ANK3: variants seen among roughly 807,000 people sequenced by gnomAD.
The protein encoded by ANK3 is ankyrin-3.
In ANK3, 57 loss-of-function variants were observed where a neutral mutation model predicts 370.9. The ratio of observed to expected loss-of-function variants is 0.15; its 90% CI spans 0.12 to 0.19. The LOEUF is 0.19. ANK3 is among the 10% of genes least tolerant of loss of function. ANK3 has a pLI of 1.00. For synonymous variants in ANK3, 1,929 were observed against 1,946.3 expected (o/e 0.99, Z 0.23); for missense variants, 4,439 against 5,302.1 (o/e 0.84, Z 5.06).
intron 24 of ANK3, chr10:60,138,733 G>GGA: frequency 1.9e-6 from 1 of 517,620 alleles, no homozygotes. Context: ...TGCAAAGTGG[G>GGA]AAAAAAAAAA....
rs777428129 is a variant in ANK3 at position 60,264,072 on chromosome 10, T to C, written c.514-52A>G. 3 of 1,482,694 alleles carry C rather than the reference T, an allele frequency of 2.0e-6. No homozygotes were observed. In the East Asian group the frequency reaches 7.3e-5, roughly 36 times the overall value. 91.8% of individuals were successfully genotyped at this position (1,482,694 alleles called of 1,614,324 possible). On this transcript the variant is annotated intron_variant, in intron 5 of 43. Coordinates refer to ENST00000280772, the MANE Select transcript of ANK3 (RefSeq NM_020987.5). The stretch of plus-strand genomic sequence containing the variant: ...GGGCTCCAATGAATATTTTCTTTTT[T>C]ATTAAATTAACAAATAAGAAGGCAA...
At chr10:60,435,246 A>C (rs987823195) in intron 2 of ANK3, among the ~76,000 whole-genome samples, 2 of 152,170 alleles carry the variant, frequency 1.3e-5, no homozygotes, top group Non-Finnish European at 2.9e-5. Flanking sequence ...AAGTTTGTAC[A>C]CTTTCCTAAG....
At chr10:60,085,892 G>A (rs2132020057) in intron 30 of ANK3, among the ~76,000 whole-genome samples, 1 of 152,238 alleles carries the variant, frequency 6.6e-6, no homozygotes, top group South Asian at 2.1e-4. Flanking sequence ...TGGGATTACA[G>A]GCGTGAGCCA....
At chr10:60,353,750 C>T (rs530871682) in intron 1 of ANK3, among the ~76,000 whole-genome samples, 3 of 152,220 alleles carry the variant, frequency 2.0e-5, no homozygotes. Context: ...ATCACACGGG[C>T]AGTTTTTAGA....
Position 60,068,922 on chromosome 10 carries a change from T to C in ANK3, c.11959A>G (p.Ser3987Gly). 1 of 1,614,162 alleles carries C rather than the reference T, an allele frequency of 6.2e-7. No homozygotes were observed. The highest frequency in any genetic ancestry group is 8.5e-7 in the Non-Finnish European group (1 of 1,180,030). ...TTSCTVKVRK[S>G]QLKEVCKHSI... is the part of the protein sequence containing the mutation. ...TGTTTACATACTTCCTTGAGCTGAC[T>C]TTTCCTAACTTTAACTGTGCAGCTG... Residue 3987 changes from serine (S) to glycine (G), a missense_variant, in exon 37 of 44, where the codon AGT becomes GGT. Ser to Gly is a moderately conservative substitution (Grantham distance 56). Transcript: ENST00000280772.
intron 2 of ANK3, among the ~76,000 whole-genome samples, chr10:60,465,574 T>C (rs1179213336): frequency 6.6e-6 from 1 of 152,044 alleles, no homozygotes; most frequent in Non-Finnish European, 1.5e-5. Context: ...TAAACCAGAG[T>C]GAAATGAGTA....
chr10:60,266,773 G>C (rs1360020275), intron 5 of ANK3, among the ~76,000 whole-genome samples: 1 of 152,174 alleles, frequency 6.6e-6, no homozygotes, highest in African/African-American at 2.4e-5. Flanking sequence ...GGTGTGGTTT[G>C]CTTTGTGCAG....
intron 7 of ANK3, among the ~76,000 whole-genome samples, chr10:60,245,694 G>T (rs1592380685): frequency 1.3e-5 from 2 of 152,226 alleles, no homozygotes; most frequent in African/African-American, 4.8e-5. Context: ...TTTTCATGAG[G>T]ATGCCAAGTT....
At chr10:60,266,100 TAGA>T (rs2097873780) in intron 5 of ANK3, among the ~76,000 whole-genome samples, 1 of 151,866 alleles carries the variant, frequency 6.6e-6, no homozygotes. Flanking sequence ...CCAAAACAAC[TAGA>T]AGGTTATTCC....
intron 24 of ANK3, among the ~76,000 whole-genome samples, chr10:60,136,249 T>G (rs973387033): frequency 6.6e-6 from 1 of 152,170 alleles, no homozygotes; most frequent in East Asian, 1.9e-4. Context: ...GTGCTAAATC[T>G]GAGCTATCCA....
intron 2 of ANK3, among the ~76,000 whole-genome samples, chr10:60,580,114 T>A (rs903442229): frequency 1.3e-5 from 2 of 152,242 alleles, no homozygotes; most frequent in African/African-American, 4.8e-5. Context: ...GGTAGAACAC[T>A]CTTCATATTT....
intron 1 of ANK3, among the ~76,000 whole-genome samples, chr10:60,281,746 T>C (rs1475512776): frequency 1.3e-5 from 2 of 152,176 alleles, no homozygotes; most frequent in African/African-American, 2.4e-5. Context: ...CAGTTTAAGT[T>C]GAGAATCTGA....
intron 1 of ANK3, among the ~76,000 whole-genome samples, chr10:60,624,452 G>A (rs1037306937): frequency 6.6e-5 from 10 of 152,142 alleles, no homozygotes; most frequent in African/African-American, 1.7e-4. Flanking sequence ...TGGAAGCTTG[G>A]AGCTCTTCTA....
chr10:60,517,489 C>A (rs1305919194), intron 2 of ANK3, among the ~76,000 whole-genome samples: 1 of 152,010 alleles, frequency 6.6e-6, no homozygotes, highest in Non-Finnish European at 1.5e-5. Context: ...GAACATGCAC[C>A]CTTTGTACAA....
intron 2 of ANK3, among the ~76,000 whole-genome samples, chr10:60,551,305 G>A (rs1286264092): frequency 6.6e-6 from 1 of 151,942 alleles, no homozygotes; most frequent in East Asian, 1.9e-4. Context: ...TAGTAGAAAG[G>A]GCCATTATTG....
At chr10:60,163,535 G>T (rs181723684) in intron 23 of ANK3, among the ~76,000 whole-genome samples, 56 of 152,090 alleles carry the variant, frequency 3.7e-4, no homozygotes, top group Non-Finnish European at 2.5e-4. Context: ...TTTGAGAAAT[G>T]AATCCAAACA....
In ANK3 at chr10:60,055,862, T is replaced by C; in HGVS notation, c.12861A>G (p.Ile4287Met). The C allele has an allele frequency of 1.2e-6, 2 of 1,614,202 alleles. No homozygotes were observed. Among genetic ancestry groups the C allele is most frequent in the Non-Finnish European group, 1.7e-6 (2 of 1,180,026 alleles). Reference protein sequence around the residue: ...QSTKETLKPKIHGSGHVEEPA... With the variant: ...QSTKETLKPKMHGSGHVEEPA... ...GTTCTTCAACATGACCAGATCCATG[T>C]ATTTTTGGTTTCAGAGTTTCCTTGG... The change falls in exon 42 of 44, where the codon ATA becomes ATG. Residue 4287 changes from isoleucine to methionine, a missense_variant. Physicochemically the swap from Ile to Met is conservative, Grantham distance 10. This residue lies in a region of ANK3 where 242 missense variants were observed against 228.0 expected (regional missense o/e 1.06). Coordinates refer to ENST00000280772, the MANE Select transcript of ANK3 (RefSeq NM_020987.5).
At chr10:60,334,268 T>C (rs1174815835) in intron 1 of ANK3, among the ~76,000 whole-genome samples, 2 of 152,198 alleles carry the variant, frequency 1.3e-5, no homozygotes, top group Admixed American at 6.5e-5. Flanking sequence ...AAATAATCTT[T>C]GTAATTTATT....
chr10:60,300,553 G>A (rs907944866), intron 1 of ANK3: 1 of 1,198,820 alleles, frequency 8.3e-7, no homozygotes, highest in African/African-American at 1.6e-5. Flanking sequence ...GAATCCGCCT[G>A]GGCCCTTATA....
Sources: gnomAD v4.1 joint callset for allele counts (sites outside exome capture counted in the v4.1 genomes callset) on GRCh38, gnomAD v4.1.1 for gene constraint, gnomAD v4.1.1 regional missense constraint, MANE v1.5 for transcripts, NCBI Gene and HGNC (gene_info 2026-07-23, HGNC 2026-07-21) for gene names.